Variants in ZNF536 observed in about 807,000 individuals in gnomAD.
ZNF536 encodes zinc finger protein 536.
ZNF536 carries 13 observed loss-of-function variants against 84.5 expected under a neutral mutation model. That is an observed-to-expected ratio of 0.15 (90% CI 0.10 to 0.24). The LOEUF (loss-of-function observed/expected upper bound fraction) is 0.24. Among genes scored for constraint, ZNF536 ranks in the 10% least tolerant of loss-of-function variants. The probability of loss-of-function intolerance (pLI) is 1.00; values close to 1 mark genes in which losing one functional copy is unlikely to be tolerated. For missense variants in ZNF536, 1,536 were observed against 1,747.5 expected, an observed-to-expected ratio of 0.88 and a Z score of 2.16; for synonymous variants, 811 against 742.5, an observed-to-expected ratio of 1.09 and a Z score of -1.50.
In ZNF536 at chr19:30,284,874, T is replaced by A. The variant is rs1438273020; in HGVS notation, c.-120+733T>A. 6.6e-5 allele frequency among the ~76,000 whole-genome samples: 10 copies of A among 152,308 alleles called. No homozygotes were observed. The East Asian group carries it at 9.6e-4, about 15-fold the overall frequency. On this transcript the variant is annotated intron_variant, in intron 2 of 5. Coordinates refer to the ZNF536 transcript ENST00000585628. ...TTTTATGTTGTACTGAATATATATT[T>A]TTTTTTATTGTGACTTTATCTTGCT...
chr19:30,583,014 C>T (rs944418466), intron 1 of ZNF536, among the ~76,000 whole-genome samples: 2 of 152,198 alleles, frequency 1.3e-5, no homozygotes, highest in African/African-American at 4.8e-5. Flanking sequence ...CCTCCTAACT[C>T]AGCCTCCCAA....
At chr19:30,583,846 G>A (rs1055834471) in intron 1 of ZNF536, among the ~76,000 whole-genome samples, 9 of 152,164 alleles carry the variant, frequency 5.9e-5, no homozygotes, top group Non-Finnish European at 1.2e-4. Context: ...CAAGCTTGAC[G>A]AGCTCGGCTA....
At chr19:30,296,443 C>T (rs1049492595) in intron 2 of ZNF536, among the ~76,000 whole-genome samples, 3 of 152,184 alleles carry the variant, frequency 2.0e-5, no homozygotes, top group South Asian at 2.1e-4. Flanking sequence ...GCCAAGACAT[C>T]CTGGGGAAAA....
rs34762536 is a variant in ZNF536 at position 30,270,750 on chromosome 19, GTTT to G, written c.-189-13306_-189-13304del. On this transcript the variant is annotated intron_variant, in intron 1 of 5. Transcript: ENST00000585628. ...TACATGGTAGCTGGGAAAAATGCAG[GTTT>G]TTTTTTTTTTTTTTTAAAGAACAAT... Among the ~76,000 whole-genome samples, 50 of 141,670 alleles carry G rather than the reference GTTT, an allele frequency of 3.5e-4. 1 individual carries two copies. The highest frequency in any genetic ancestry group is 7.2e-3 in the Middle Eastern group (2 of 276). 92.9% of individuals were successfully genotyped at this position (141,670 alleles called of 152,430 possible). A position where few individuals can be genotyped will look rare whatever the true frequency, so the allele number is the denominator to read the frequency against.
intron 2 of ZNF536, among the ~76,000 whole-genome samples, chr19:30,502,778 G>T (rs374381236): frequency 2.6e-5 from 4 of 152,180 alleles, no homozygotes; most frequent in South Asian, 4.1e-4. Flanking sequence ...GGGGACACCA[G>T]TGAGATGTCC....
chr19:30,324,268 C>G (rs1376933039), intron 2 of ZNF536, among the ~76,000 whole-genome samples: 1 of 152,208 alleles, frequency 6.6e-6, no homozygotes, highest in Non-Finnish European at 1.5e-5. Flanking sequence ...CATCATCCAT[C>G]AATCATCCAT....
chr19:30,589,817 C>T (rs1271147648), intron 1 of ZNF536, among the ~76,000 whole-genome samples: 1 of 152,138 alleles, frequency 6.6e-6, no homozygotes, highest in African/African-American at 2.4e-5. Flanking sequence ...GCACTTCCAG[C>T]CTGCCCTGTG....
At chr19:30,417,634 A>G (rs994366548) in intron 1 of ZNF536, among the ~76,000 whole-genome samples, 2 of 152,188 alleles carry the variant, frequency 1.3e-5, no homozygotes, top group African/African-American at 4.8e-5. Context: ...TGCTAATTGC[A>G]TTAGTTAGAA....
rs543936365 is a variant in ZNF536, at chr19:30,706,515, T to C, written c.170-4242T>C. On this transcript the variant is annotated intron_variant, in intron 1 of 1. Coordinates refer to the ZNF536 transcript ENST00000592773. The stretch of plus-strand genomic sequence containing the variant: ...AAAAAAAAAAAGAAAGAAAATACAA[T>C]AGACAGTTTTGCTGATGAACAAAAA... Among the ~76,000 whole-genome samples, 81 of 149,562 alleles carry C rather than the reference T, an allele frequency of 5.4e-4. 1 individual carries two copies. Among genetic ancestry groups the C allele is most frequent in the African/African-American group, 1.8e-3 (73 of 40,796 alleles).
intron 2 of ZNF536, among the ~76,000 whole-genome samples, chr19:30,514,023 C>T (rs944025954): frequency 5.3e-5 from 8 of 152,162 alleles, no homozygotes; most frequent in African/African-American, 1.9e-4. Context: ...GAGCAATGCA[C>T]CAGCTCAGTG....
At chr19:30,484,088 C>A (rs73536722) in intron 2 of ZNF536, among the ~76,000 whole-genome samples, 18,080 of 152,030 alleles carry the variant, frequency 0.12, 1,565 homozygotes, top group East Asian at 0.27. Flanking sequence ...CACCCTGCCC[C>A]ATCGAATCAC....
At chr19:30,540,694 C>T (rs1043718380) in intron 3 of ZNF536, among the ~76,000 whole-genome samples, 2 of 152,214 alleles carry the variant, frequency 1.3e-5, no homozygotes, top group African/African-American at 4.8e-5. Flanking sequence ...TTCTCTTCAC[C>T]GCTGCATTGT....
At chr19:30,225,751 G>A (rs1336098272), upstream of ZNF536, among the ~76,000 whole-genome samples, 7 of 145,270 alleles carry the variant, frequency 4.8e-5, no homozygotes, top group Admixed American at 2.7e-4. Context: ...GGCGGCGGGT[G>A]GGGGGGCAGC....
intron 1 of ZNF536, among the ~76,000 whole-genome samples, chr19:30,427,455 G>A (rs2051265001): frequency 6.6e-6 from 1 of 152,132 alleles, no homozygotes; most frequent in Non-Finnish European, 1.5e-5. Flanking sequence ...CACTTAAATG[G>A]AGTTATCCCA....
intron 1 of ZNF536, among the ~76,000 whole-genome samples, chr19:30,269,272 C>T (rs960958584): frequency 6.6e-6 from 1 of 152,160 alleles, no homozygotes; most frequent in African/African-American, 2.4e-5. Flanking sequence ...CGGAGAGGAG[C>T]AGGTTGAACA....
intron 1 of ZNF536, among the ~76,000 whole-genome samples, chr19:30,702,029 A>T (rs2052006243): frequency 6.6e-6 from 1 of 152,144 alleles, no homozygotes; most frequent in Non-Finnish European, 1.5e-5. Context: ...AGGAGAAGCC[A>T]TCAGTTTGGA....
chr19:30,705,037 G>A (rs1163815043), intron 1 of ZNF536, among the ~76,000 whole-genome samples: 13 of 151,534 alleles, frequency 8.6e-5, no homozygotes, highest in Admixed American at 8.6e-4. Flanking sequence ...AGAGACATTT[G>A]GAACTTTTTA....
intron 2 of ZNF536, among the ~76,000 whole-genome samples, chr19:30,450,249 G>C (rs1264540790): frequency 6.6e-6 from 1 of 152,088 alleles, no homozygotes; most frequent in Non-Finnish European, 1.5e-5. Flanking sequence ...TGGTTGCTTG[G>C]CCCAGCTGCT....
At chr19:30,256,595 C>T (rs1017192421) in intron 1 of ZNF536, among the ~76,000 whole-genome samples, 2 of 152,086 alleles carry the variant, frequency 1.3e-5, no homozygotes, top group South Asian at 2.1e-4. Context: ...CAGAAAGACC[C>T]GAGTGAGGGC....
Sources: allele counts gnomAD v4.1 joint callset (sites outside exome capture counted in the v4.1 genomes callset), GRCh38; gene constraint gnomAD v4.1.1; transcripts MANE v1.5; gene names NCBI Gene and HGNC (gene_info 2026-07-23, HGNC 2026-07-21).